ZNF704: variants seen among roughly 807,000 people sequenced by gnomAD.
The protein encoded by ZNF704 is glucocorticoid induced gene 1.
ZNF704 carries 10 observed loss-of-function variants against 44.7 expected under a neutral mutation model. The observed-to-expected ratio is 0.22, with a 90% confidence interval of 0.14 to 0.38. The LOEUF is 0.38. Among genes scored for constraint, ZNF704 ranks in the 10% least tolerant of loss-of-function variants. The pLI is 1.00. For synonymous variants in ZNF704, 211 were observed against 207.6 expected, an observed-to-expected ratio of 1.02 and a Z score of -0.14; for missense variants, 390 against 545.5, an observed-to-expected ratio of 0.71 and a Z score of 2.84.
intron 4 of ZNF704, among the ~76,000 whole-genome samples, chr8:80,680,009 C>T (rs1818427582): frequency 6.6e-6 from 1 of 152,108 alleles, no homozygotes; most frequent in South Asian, 2.1e-4. Flanking sequence ...GCCAAGGTGT[C>T]CCTGATTTTC....
At chr8:80,642,260 A>T (rs1006459010) in intron 8 of ZNF704, among the ~76,000 whole-genome samples, 4 of 152,068 alleles carry the variant, frequency 2.6e-5, no homozygotes, top group African/African-American at 4.8e-5. Flanking sequence ...CAGTATAAAA[A>T]TTTTTTTCTT....
chr8:80,770,409 T>C (rs192837875), intron 2 of ZNF704, among the ~76,000 whole-genome samples: 4 of 152,318 alleles, frequency 2.6e-5, no homozygotes, highest in East Asian at 1.9e-4. Context: ...TGACAGCCCA[T>C]TGTGGTTTTA....
intron 4 of ZNF704, among the ~76,000 whole-genome samples, chr8:80,675,652 T>C (rs1374740946): frequency 2.0e-5 from 3 of 152,124 alleles, no homozygotes; most frequent in African/African-American, 7.2e-5. Flanking sequence ...CAATAATACT[T>C]GCTGTTGGGT....
intron 2 of ZNF704, among the ~76,000 whole-genome samples, chr8:80,750,560 G>C (rs1041981789): frequency 4.0e-5 from 6 of 150,920 alleles, no homozygotes; most frequent in African/African-American, 1.5e-4. Flanking sequence ...TTGTTGCCCA[G>C]GCTGGAGTGC....
intron 2 of ZNF704, among the ~76,000 whole-genome samples, chr8:80,806,384 T>C (rs1040534410): frequency 1.3e-5 from 2 of 152,166 alleles, no homozygotes; most frequent in African/African-American, 2.4e-5. Flanking sequence ...TCACAACATA[T>C]ACAATGGGAT....
rs1401340048 is a variant in ZNF704, at chr8:80,643,138, T to C, written c.1033-9A>G. 5 of 1,593,466 alleles carry C rather than the reference T, an allele frequency of 3.1e-6. No homozygotes were observed. Among genetic ancestry groups the C allele is most frequent in the Non-Finnish European group, 4.3e-6 (5 of 1,169,330 alleles). ...TGATGTGTGGGTGACACCTGGTGAA[T>C]ACATGGAAAAGAAAGTTGATGGGGC... On this transcript the variant is annotated splice_polypyrimidine_tract_variant and intron_variant, in intron 7 of 8. Transcript: ENST00000327835.
chr8:80,773,227 T>A (rs539798470), intron 2 of ZNF704, among the ~76,000 whole-genome samples: 1 of 152,202 alleles, frequency 6.6e-6, no homozygotes, highest in Non-Finnish European at 1.5e-5. Flanking sequence ...TTCCTGTGGA[T>A]TAAACACTTT....
At chr8:80,657,714 C>CACATAGGATTTTAGTGGAATACCT (rs1419479950) in intron 7 of ZNF704, among the ~76,000 whole-genome samples, 2 of 150,306 alleles carry the variant, frequency 1.3e-5, no homozygotes, top group Non-Finnish European at 3.0e-5. Context: ...AAAAAAAGCT[C>CACATAGGATTTTAGTGGAATACCT]ACATAGGATT....
upstream of ZNF704, among the ~76,000 whole-genome samples, chr8:80,875,868 TG>T (rs1218750277): frequency 2.6e-5 from 4 of 152,230 alleles, no homozygotes; most frequent in South Asian, 2.1e-4. Flanking sequence ...ATGAACTTTT[TG>T]TTCTCCCTGA....
At chr8:80,723,450 T>TA (rs368895878) in intron 2 of ZNF704, among the ~76,000 whole-genome samples, 7,226 of 152,184 alleles carry the variant, frequency 0.047, 238 homozygotes, top group Middle Eastern at 0.11. Flanking sequence ...ATGTGATTGG[T>TA]AAAAAAACAT....
At chr8:80,827,640 C>T (rs1463176179) in intron 1 of ZNF704, among the ~76,000 whole-genome samples, 1 of 152,262 alleles carries the variant, frequency 6.6e-6, no homozygotes, top group East Asian at 1.9e-4. Flanking sequence ...AAGAACAAGG[C>T]TGGAGGCATC....
At chr8:80,780,753 C>A (rs923036220) in intron 2 of ZNF704, among the ~76,000 whole-genome samples, 2 of 152,068 alleles carry the variant, frequency 1.3e-5, no homozygotes, top group Non-Finnish European at 2.9e-5. Flanking sequence ...CCACCACAAG[C>A]TGAAAAAGGC....
intron 2 of ZNF704, among the ~76,000 whole-genome samples, chr8:80,751,853 T>C (rs1806949571): frequency 6.6e-6 from 1 of 152,184 alleles, no homozygotes; most frequent in Admixed American, 6.5e-5. Context: ...GTTCAAGCGA[T>C]TCTCAGCCTC....
intron 2 of ZNF704, among the ~76,000 whole-genome samples, chr8:80,761,786 A>C (rs557423253): frequency 2.6e-5 from 4 of 152,366 alleles, no homozygotes; most frequent in South Asian, 4.1e-4. Context: ...AATCATATTC[A>C]TAAATAGGTC....
At chr8:80,880,668 A>G in the ZNF704 span, among the ~76,000 whole-genome samples, 1 of 152,364 alleles carries the variant, frequency 6.6e-6, no homozygotes, top group African/African-American at 2.4e-5. Context: ...TTAACAGAAT[A>G]TATGCATGAA....
chr8:80,798,239 A>T (rs1807840011), intron 2 of ZNF704, among the ~76,000 whole-genome samples: 1 of 151,820 alleles, frequency 6.6e-6, no homozygotes, highest in Admixed American at 6.6e-5. Context: ...ACCTCATTGT[A>T]ATGGCCTTTA....
At chr8:80,649,887 G>A (rs533788723) in intron 7 of ZNF704, among the ~76,000 whole-genome samples, 2 of 152,312 alleles carry the variant, frequency 1.3e-5, no homozygotes, top group East Asian at 1.9e-4. Flanking sequence ...CATGACCCCC[G>A]AGTAGCCTAA....
chr8:80,703,625 C>T (rs894906572), intron 2 of ZNF704, among the ~76,000 whole-genome samples: 1 of 152,134 alleles, frequency 6.6e-6, no homozygotes, highest in African/African-American at 2.4e-5. Context: ...CAGGCAAACG[C>T]CACCATGCCC....
At chr8:80,677,733 C>G (rs975217651) in intron 4 of ZNF704, among the ~76,000 whole-genome samples, 2 of 152,104 alleles carry the variant, frequency 1.3e-5, no homozygotes, top group African/African-American at 2.4e-5. Flanking sequence ...CAGTGTCTGG[C>G]TCAATAAATA....
Sources: allele counts gnomAD v4.1 joint callset (sites outside exome capture counted in the v4.1 genomes callset), GRCh38; gene constraint gnomAD v4.1.1; transcripts MANE v1.5; gene names NCBI Gene and HGNC (gene_info 2026-07-23, HGNC 2026-07-21).